The following RPH3AL variants were observed in gnomAD, a reference collection of about 807,000 sequenced individuals.
The protein encoded by RPH3AL is rab effector Noc2.
Under a neutral mutation model 43.1 loss-of-function variants are expected in RPH3AL, and 38 were observed. The ratio of observed to expected loss-of-function variants is 0.88; its 90% CI spans 0.68 to 1.15. The LOEUF (loss-of-function observed/expected upper bound fraction) is 1.15. RPH3AL is among the 50% of genes most tolerant of loss of function. The pLI, the probability that RPH3AL is intolerant of heterozygous loss-of-function variation, is 0.00. For missense variants in RPH3AL, 462 were observed against 423.2 expected, an observed-to-expected ratio of 1.09 and a Z score of -0.81; for synonymous variants, 189 against 176.3, an observed-to-expected ratio of 1.07 and a Z score of -0.57.
chr17:244,067 T>C lies in RPH3AL; in HGVS notation c.613+3044A>G, dbSNP rs2041675965. 2.0e-5 allele frequency among the ~76,000 whole-genome samples: 3 copies of C among 151,358 alleles called. No homozygotes were observed. The South Asian group carries it at 6.3e-4, about 32-fold the overall frequency. On this transcript the variant is annotated intron_variant, in intron 7 of 9. Transcript: ENST00000331302. The stretch of plus-strand genomic sequence containing the variant: ...TCCTCTATTGATTACCCTTCCTCTA[T>C]TGATCACCTTCCTCTATTGATCACC...
At chr17:278,854 C>T (rs939601480) in intron 6 of RPH3AL, among the ~76,000 whole-genome samples, 6 of 152,148 alleles carry the variant, frequency 3.9e-5, no homozygotes, top group African/African-American at 7.2e-5. Flanking sequence ...CTCACACTGC[C>T]GCCTGGTGAA....
intron 5 of RPH3AL, among the ~76,000 whole-genome samples, chr17:314,595 C>A (rs1598083730): frequency 6.8e-6 from 1 of 147,084 alleles, no homozygotes; most frequent in Non-Finnish European, 1.5e-5. Flanking sequence ...CTGTGCTCCA[C>A]CTCCACTGAC....
intron 1 of RPH3AL, among the ~76,000 whole-genome samples, chr17:351,549 C>T (rs986171703): frequency 2.6e-5 from 4 of 152,182 alleles, no homozygotes; most frequent in Non-Finnish European, 5.9e-5. Context: ...AGTCTCACTC[C>T]TCCTGCACCC....
intron 5 of RPH3AL, among the ~76,000 whole-genome samples, chr17:286,637 G>A (rs953069730): frequency 6.6e-6 from 1 of 152,170 alleles, no homozygotes; most frequent in African/African-American, 2.4e-5. Flanking sequence ...ATGCGACAGC[G>A]AGCAAGCCAG....
chr17:331,290 A>AGG (rs71145704), intron 2 of RPH3AL: 151,692 of 221,852 alleles, frequency 0.68, 55,190 homozygotes, highest in East Asian at 0.81. Flanking sequence ...GGGAGACGGA[A>AGG]AGAGCCAAAT....
chr17:292,209 A>T (rs1026921253), intron 5 of RPH3AL, among the ~76,000 whole-genome samples: 7 of 152,176 alleles, frequency 4.6e-5, no homozygotes, highest in Non-Finnish European at 8.8e-5. Flanking sequence ...TCATAAGCTC[A>T]GCCCTGCTCA....
chr17:294,041 A>T (rs12450463), intron 5 of RPH3AL, among the ~76,000 whole-genome samples: 47,816 of 151,602 alleles, frequency 0.32, 8,454 homozygotes, highest in East Asian at 0.77. Flanking sequence ...AAAATAAAAT[A>T]AAAATAAAAC....
At chr17:346,951 C>G (rs2045247407) in intron 1 of RPH3AL, among the ~76,000 whole-genome samples, 2 of 135,574 alleles carry the variant, frequency 1.5e-5, no homozygotes, top group African/African-American at 5.1e-5. Context: ...CAACAGGAAC[C>G]TCAAACACTG....
intron 1 of RPH3AL, among the ~76,000 whole-genome samples, chr17:351,376 G>C (rs566684680): frequency 6.6e-6 from 1 of 152,134 alleles, no homozygotes; most frequent in African/African-American, 2.4e-5. Flanking sequence ...GAAAAGTTCA[G>C]AGGCCACACC....
rs540011880 is a variant in RPH3AL, at chr17:281,871, A to G, written c.352-17T>C. 8.1e-6 allele frequency: 13 copies of G among 1,606,416 alleles called. No homozygotes were observed. The highest frequency in any genetic ancestry group is 5.0e-5 in the Admixed American group (3 of 59,998). ...GCAGACTTTCTACAAGAGAGAGGAC[A>G]TGGGGTTGTAAAGATTGCAGCCGCT... On this transcript the variant is annotated splice_polypyrimidine_tract_variant and intron_variant, in intron 5 of 9. Coordinates refer to ENST00000331302, the MANE Select transcript of RPH3AL (RefSeq NM_006987.4).
At chr17:239,673 C>T (rs906549210) in intron 7 of RPH3AL, among the ~76,000 whole-genome samples, 1 of 152,144 alleles carries the variant, frequency 6.6e-6, no homozygotes, top group Non-Finnish European at 1.5e-5. Flanking sequence ...TTCACCCAGG[C>T]TGGAGTGCAG....
intron 6 of RPH3AL, 104 bp downstream of exon 6, chr17:281,664 G>GGGCCCCCCCCCC: frequency 1.7e-6 from 1 of 574,676 alleles, no homozygotes; most frequent in Non-Finnish European, 3.3e-6. Flanking sequence ...AGCGTATCCA[G>GGGCCCCCCCCCC]CCCGCCCAGC....
In RPH3AL at chr17:245,428, T is replaced by C. The variant is rs1172820436; in HGVS notation, c.613+1683A>G. Among the ~76,000 whole-genome samples the C allele has an allele frequency of 2.7e-5, 4 of 150,646 alleles. No homozygotes were observed. The highest frequency in any genetic ancestry group is 5.9e-5 in the Non-Finnish European group (4 of 67,704). On this transcript the variant is annotated intron_variant, in intron 7 of 9. Coordinates refer to ENST00000331302, the MANE Select transcript of RPH3AL (RefSeq NM_006987.4). This position sits in a 1 kb window ranked among gnomAD's most constrained non-coding sequence, Gnocchi z 5.9. ...GTGTGTGTGTGCATGGTGATGTGTGTGTAGGTGTGAGCGTGTGTCAATGCG... is the reference window on the plus strand; with the variant it reads ...GTGTGTGTGTGCATGGTGATGTGTGCGTAGGTGTGAGCGTGTGTCAATGCG...
chr17:280,458 T>C (rs1051330652), intron 6 of RPH3AL, among the ~76,000 whole-genome samples: 1 of 152,190 alleles, frequency 6.6e-6, no homozygotes, highest in African/African-American at 2.4e-5. Context: ...AGTATCACCA[T>C]GGATGAGCAG....
In RPH3AL at chr17:246,447, C is replaced by T. The variant is rs1459395323; in HGVS notation, c.613+664G>A. On this transcript the variant is annotated intron_variant, in intron 7 of 9. Coordinates refer to ENST00000331302, the MANE Select transcript of RPH3AL (RefSeq NM_006987.4). This position sits in a 1 kb window ranked among gnomAD's most constrained non-coding sequence, Gnocchi z 4.8. Reference sequence around the variant, plus strand: ...AGGAAGTCCCTCCTCTTCTCTGAGCCGCAGGTACACCCATCTATAAAATGC... The same window carrying T: ...AGGAAGTCCCTCCTCTTCTCTGAGCTGCAGGTACACCCATCTATAAAATGC... 1.3e-5 allele frequency among the ~76,000 whole-genome samples: 2 copies of T among 152,126 alleles called. No homozygotes were observed. The highest frequency in any genetic ancestry group is 6.5e-5 in the Admixed American group (1 of 15,268).
intron 7 of RPH3AL, among the ~76,000 whole-genome samples, chr17:243,491 A>AC (rs2041640871): frequency 8.0e-6 from 1 of 125,460 alleles, no homozygotes; most frequent in African/African-American, 3.1e-5. Context: ...TCTATTGACT[A>AC]CCTTCCTCTA....
At chr17:312,924 G>C (rs930072128) in intron 5 of RPH3AL, among the ~76,000 whole-genome samples, 6 of 152,172 alleles carry the variant, frequency 3.9e-5, no homozygotes, top group Admixed American at 3.9e-4. Context: ...GCAGGAACAC[G>C]GAGGCACTCC....
intron 5 of RPH3AL, among the ~76,000 whole-genome samples, chr17:301,983 C>T (rs1284496051): frequency 6.6e-6 from 1 of 152,238 alleles, no homozygotes; most frequent in Non-Finnish European, 1.5e-5. Flanking sequence ...CTCTCAGAAG[C>T]ACCCCCACCC....
intron 6 of RPH3AL, among the ~76,000 whole-genome samples, chr17:281,337 G>A (rs2042773097): frequency 6.6e-6 from 1 of 152,082 alleles, no homozygotes; most frequent in South Asian, 2.1e-4. Flanking sequence ...TAGCACCACT[G>A]GGGTTGTGCA....
Sources: allele counts gnomAD v4.1 joint callset (sites outside exome capture counted in the v4.1 genomes callset), GRCh38; gene constraint gnomAD v4.1.1; non-coding constraint Gnocchi (gnomAD v3.1); transcripts MANE v1.5; gene names NCBI Gene and HGNC (gene_info 2026-07-23, HGNC 2026-07-21).